The following TMEM181 variants were observed in gnomAD, a reference collection of about 807,000 sequenced individuals.
The protein encoded by TMEM181 is transmembrane protein 181, also known as G protein-coupled receptor 178.
A neutral mutation model predicts 71.9 loss-of-function variants in TMEM181; 39 were observed. The ratio of observed to expected loss-of-function variants is 0.54; its 90% CI spans 0.42 to 0.71. The LOEUF is 0.71. Among genes scored for constraint, TMEM181 ranks in the 30% least tolerant of loss-of-function variants. The probability of loss-of-function intolerance (pLI) is 0.00; values close to 1 mark genes in which losing one functional copy is unlikely to be tolerated. For synonymous variants in TMEM181, 245 were observed against 228.8 expected, an observed-to-expected ratio of 1.07 and a Z score of -0.64; for missense variants, 595 against 583.0, an observed-to-expected ratio of 1.02 and a Z score of -0.21.
chr6:158,629,547 G>C (rs1786540319), intron 14 of TMEM181, among the ~76,000 whole-genome samples, 183 bp from the exon 15 acceptor site: 2 of 151,448 alleles, frequency 1.3e-5, no homozygotes, highest in South Asian at 4.2e-4. Flanking sequence ...CTCGAAGAGT[G>C]CTTGTGACCC....
At chr6:158,631,687 G>A (rs1465626242) in intron 16 of TMEM181, 123 bp from the exon 17 acceptor site, 1 of 1,123,712 alleles carries the variant, frequency 8.9e-7, no homozygotes, top group Non-Finnish European at 1.3e-6. Flanking sequence ...GTAGCAGTTG[G>A]TGATAGAAAA....
At chr6:158,605,557 T>C (rs1784906608) in intron 7 of TMEM181, among the ~76,000 whole-genome samples, 1 of 152,194 alleles carries the variant, frequency 6.6e-6, no homozygotes, top group Non-Finnish European at 1.5e-5. Context: ...TCAGGATTTC[T>C]GTAGAGTGCA....
intron 1 of TMEM181, among the ~76,000 whole-genome samples, chr6:158,569,498 A>C (rs1782687331): frequency 1.3e-5 from 2 of 152,192 alleles, no homozygotes; most frequent in Admixed American, 1.3e-4. Flanking sequence ...AGTTGGACTT[A>C]AGTAGAAGTT....
intron 1 of TMEM181, among the ~76,000 whole-genome samples, chr6:158,561,065 C>A (rs1367671940): frequency 6.6e-6 from 1 of 152,234 alleles, no homozygotes; most frequent in East Asian, 1.9e-4. Flanking sequence ...CTTCCAGGGC[C>A]GGCTCCCTGC....
At chr6:158,594,384 C>CCA (rs1374199883) in intron 6 of TMEM181, among the ~76,000 whole-genome samples, 2 of 152,122 alleles carry the variant, frequency 1.3e-5, no homozygotes, top group Non-Finnish European at 2.9e-5. Flanking sequence ...CATGCGTGAG[C>CCA]CACTGTGCCA....
chr6:158,622,002 C>T (rs543499275), intron 10 of TMEM181, among the ~76,000 whole-genome samples: 2 of 152,252 alleles, frequency 1.3e-5, no homozygotes, highest in East Asian at 1.9e-4. Context: ...CAGAGCCAGC[C>T]GCACCCCTGA....
At chr6:158,568,890 G>GAGC (rs1250138030) in intron 1 of TMEM181, among the ~76,000 whole-genome samples, 7 of 152,334 alleles carry the variant, frequency 4.6e-5, no homozygotes, top group Admixed American at 1.3e-4. Context: ...TTTTGCCCAT[G>GAGC]AGCAACAGTT....
At chr6:158,565,467 A>G (rs1040965706) in intron 1 of TMEM181, among the ~76,000 whole-genome samples, 2 of 152,290 alleles carry the variant, frequency 1.3e-5, no homozygotes, top group Admixed American at 6.5e-5. Flanking sequence ...GCTGCCAGGA[A>G]CTGCTGTGCC....
chr6:158,548,943 G>A (rs575099536), intron 1 of TMEM181, among the ~76,000 whole-genome samples: 5 of 152,330 alleles, frequency 3.3e-5, no homozygotes, highest in Admixed American at 6.5e-5. Flanking sequence ...GTCAGTACCC[G>A]GGGCTTGTGA....
At chr6:158,607,893 T>A (rs1321866305) in intron 8 of TMEM181, among the ~76,000 whole-genome samples, 4 of 152,226 alleles carry the variant, frequency 2.6e-5, no homozygotes, top group Admixed American at 2.6e-4. Context: ...GGAACTTGGC[T>A]GAAGGTGGCC....
intron 1 of TMEM181, among the ~76,000 whole-genome samples, chr6:158,561,961 C>G (rs923048876): frequency 8.5e-5 from 13 of 152,188 alleles, no homozygotes; most frequent in African/African-American, 3.1e-4. Flanking sequence ...ACTTAGGTGA[C>G]TGAGTGTTCT....
Position 158,625,186 on chromosome 6 carries a change from T to C in TMEM181, c.1037T>C (p.Leu346Pro), listed in dbSNP as rs1786204286. The change falls in exon 12 of 17, where the codon CTA becomes CCA. Residue 346 changes from leucine (L) to proline (P), a missense_variant. Transcript: ENST00000684151. ...TTGATAGTGCGGGCGTGTTCCGAGC[T>C]ACGTCACATGCCTTATGTGGGTAAG... is the stretch of plus-strand genomic sequence containing the variant. The part of the protein sequence containing the change: ...LFLIVRACSE[L>P]RHMPYVDLRL... The C allele has an allele frequency of 2.5e-6, 4 of 1,614,026 alleles. No homozygotes were observed. The South Asian group carries it at 4.4e-5, about 18-fold the overall frequency.
At chr6:158,624,352 G>C (rs566649173) in intron 11 of TMEM181, among the ~76,000 whole-genome samples, 2 of 152,210 alleles carry the variant, frequency 1.3e-5, no homozygotes, top group Non-Finnish European at 2.9e-5. Context: ...AAATGATCCC[G>C]ATTCCTGCTG....
At chr6:158,631,175 A>G (rs1460194348) in intron 15 of TMEM181, 148 bp from the exon 16 acceptor site, 5 of 791,866 alleles carry the variant, frequency 6.3e-6, no homozygotes, top group Admixed American at 6.2e-5. Context: ...CAGCCTCACG[A>G]GATGTGTTCA....
intron 8 of TMEM181, among the ~76,000 whole-genome samples, chr6:158,607,992 C>T (rs1177067732): frequency 1.3e-5 from 2 of 152,266 alleles, no homozygotes; most frequent in African/African-American, 2.4e-5. Flanking sequence ...CCGGGAGGAG[C>T]TGATGGCAGT....
rs1250106142 is a variant in TMEM181, at chr6:158,547,857, G to A, written c.131+10992G>A. Among the ~76,000 whole-genome samples the A allele has an allele frequency of 5.1e-5, 7 of 137,472 alleles. No individual in the cohort carries two copies. In the East Asian group the frequency reaches 1.1e-3, roughly 22 times the overall value. 90.2% of individuals were successfully genotyped at this position (137,472 alleles called of 152,430 possible). On this transcript the variant is annotated intron_variant, in intron 1 of 16. Coordinates refer to the TMEM181 transcript ENST00000367090. ...AGTCGATATCACGCCATTGCACTCC[G>A]GCCTGGGCAACAAGAGCAAAACTCT... is the stretch of plus-strand genomic sequence containing the variant.
At chr6:158,563,646 A>G (rs140659258) in intron 1 of TMEM181, among the ~76,000 whole-genome samples, 1 of 152,334 alleles carries the variant, frequency 6.6e-6, no homozygotes, top group African/African-American at 2.4e-5. Flanking sequence ...TGGCCTGGGT[A>G]GGATATTTGC....
chr6:158,571,257 C>G (rs562200970), intron 1 of TMEM181, among the ~76,000 whole-genome samples: 1 of 152,038 alleles, frequency 6.6e-6, no homozygotes, highest in Non-Finnish European at 1.5e-5. Context: ...CCACCGCGCC[C>G]GGCTAATTTT....
intron 1 of TMEM181, among the ~76,000 whole-genome samples, chr6:158,554,696 T>C (rs556316035): frequency 5.9e-5 from 9 of 152,246 alleles, no homozygotes; most frequent in Non-Finnish European, 8.8e-5. Context: ...TGCTAGATCT[T>C]ACCATGAAGA....
Sources: gnomAD v4.1 joint callset for allele counts (sites outside exome capture counted in the v4.1 genomes callset) on GRCh38, gnomAD v4.1.1 for gene constraint, MANE v1.5 for transcripts, NCBI Gene and HGNC (gene_info 2026-07-23, HGNC 2026-07-21) for gene names.